DOCK1: variants seen among roughly 807,000 people sequenced by gnomAD.
DOCK1 encodes dedicator of cytokinesis protein 1.
In DOCK1, 138 loss-of-function variants were observed where a neutral mutation model predicts 262.7. That is an observed-to-expected ratio of 0.53 (90% CI 0.46 to 0.61). DOCK1 has a LOEUF of 0.61. Among genes scored for constraint, DOCK1 ranks in the 20% least tolerant of loss-of-function variants. DOCK1 has a pLI of 0.00. For missense variants in DOCK1, 1,908 were observed against 2,370.7 expected, an observed-to-expected ratio of 0.80 and a Z score of 4.05; for synonymous variants, 866 against 867.4, an observed-to-expected ratio of 1.00 and a Z score of 0.03.
chr10:127,148,260 G>A (rs2052114508), intron 27 of DOCK1, among the ~76,000 whole-genome samples: 1 of 152,162 alleles, frequency 6.6e-6, no homozygotes, highest in African/African-American at 2.4e-5. Context: ...TTTGTGTGGT[G>A]GCTGTGATGA....
intron 23 of DOCK1, among the ~76,000 whole-genome samples, chr10:127,072,804 G>C (rs2046307997): frequency 6.6e-6 from 1 of 152,168 alleles, no homozygotes; most frequent in Non-Finnish European, 1.5e-5. Context: ...TAATGAGAAA[G>C]CTTTCTAAAG....
At chr10:127,112,045 G>A (rs565088255) in intron 25 of DOCK1, among the ~76,000 whole-genome samples, 98 of 147,852 alleles carry the variant, frequency 6.6e-4, no homozygotes, top group African/African-American at 2.3e-3. Flanking sequence ...ATAGTCCTGC[G>A]CTGTTGCCGA....
At chr10:127,316,877 C>G (rs2062305878) in intron 29 of DOCK1, among the ~76,000 whole-genome samples, 1 of 151,990 alleles carries the variant, frequency 6.6e-6, no homozygotes, top group South Asian at 2.1e-4. Flanking sequence ...ATTGCCACTC[C>G]CCCTCCAAGA....
Position 127,052,715 on chromosome 10 carries a change from G to A in DOCK1, c.2236G>A (p.Gly746Ser), listed in dbSNP as rs752245963. Residue 746 changes from glycine to serine, a missense_variant, in exon 22 of 52, where the codon GGT becomes AGT. Transcript: ENST00000623213. ...AAAAGTGTTGAAGAACTACGTGGAC[G>A]GTGCTGAGAAGCCGGGAGTAAATGA... ...LTKVLKNYVD[G>S]AEKPGVNEQL... The A allele has an allele frequency of 6.2e-6, 10 of 1,613,806 alleles. No individual in the cohort carries two copies. In the Admixed American group the frequency reaches 6.7e-5, roughly 11 times the overall value.
chr10:127,302,675 A>G (rs2061722042), intron 29 of DOCK1, among the ~76,000 whole-genome samples: 1 of 151,350 alleles, frequency 6.6e-6, no homozygotes. Flanking sequence ...GTTAATGTTG[A>G]TAGTTTGTAG....
At chr10:127,344,774 T>A (rs1182314134) in intron 31 of DOCK1, among the ~76,000 whole-genome samples, 1 of 152,012 alleles carries the variant, frequency 6.6e-6, no homozygotes, top group African/African-American at 2.4e-5. Context: ...GGCAGGAAGA[T>A]CACTTGAGCC....
intron 40 of DOCK1, among the ~76,000 whole-genome samples, chr10:127,404,880 C>G (rs2067429791): frequency 6.6e-6 from 1 of 152,210 alleles, no homozygotes; most frequent in African/African-American, 2.4e-5. Context: ...CCAGCAGCCA[C>G]CGTTCTACTT....
At chr10:127,103,343 C>G (rs1345001127) in intron 23 of DOCK1, among the ~76,000 whole-genome samples, 1 of 152,136 alleles carries the variant, frequency 6.6e-6, no homozygotes, top group Non-Finnish European at 1.5e-5. Flanking sequence ...AATCGTAGGA[C>G]CGCCAAAACA....
chr10:127,109,865 C>T (rs562287984), intron 24 of DOCK1, among the ~76,000 whole-genome samples: 24 of 151,748 alleles, frequency 1.6e-4, no homozygotes, highest in African/African-American at 5.1e-4. Flanking sequence ...CATTTTTTCT[C>T]GGGGAGGTGG....
chr10:127,244,122 G>A (rs4750756), intron 27 of DOCK1, among the ~76,000 whole-genome samples: 48,201 of 151,768 alleles, frequency 0.32, 7,722 homozygotes, highest in East Asian at 0.42. Flanking sequence ...TAAAAATATA[G>A]GACCCCCAGT....
chr10:127,129,334 A>T (rs1426739501), intron 27 of DOCK1, among the ~76,000 whole-genome samples: 4 of 152,224 alleles, frequency 2.6e-5, no homozygotes, highest in African/African-American at 4.8e-5. Context: ...TAAAGTTTAA[A>T]CTTAAACACT....
chr10:127,168,875 G>C (rs12573412), intron 27 of DOCK1, among the ~76,000 whole-genome samples: 1 of 151,958 alleles, frequency 6.6e-6, no homozygotes, highest in South Asian at 2.1e-4. Flanking sequence ...AACTTAAATA[G>C]TCCCCTTATG....
Position 127,298,995 on chromosome 10 carries a change from G to A in DOCK1, c.3045-40011G>A, listed in dbSNP as rs898955249. 3.3e-5 allele frequency among the ~76,000 whole-genome samples: 5 copies of A among 152,158 alleles called. No individual in the cohort carries two copies. In the South Asian group the frequency reaches 1.0e-3, roughly 32 times the overall value. ...ATAGATTGTGAACCCCTCAAAGATAGGCTGAAGTCCTTATTCCTGTCACCT... is the reference window on the plus strand; with the variant it reads ...ATAGATTGTGAACCCCTCAAAGATAAGCTGAAGTCCTTATTCCTGTCACCT... On this transcript the variant is annotated intron_variant, in intron 29 of 51. Coordinates refer to ENST00000623213, the MANE Select transcript of DOCK1 (RefSeq NM_001290223.2).
chr10:127,341,725 G>T (rs2063435606), intron 30 of DOCK1, among the ~76,000 whole-genome samples: 1 of 152,118 alleles, frequency 6.6e-6, no homozygotes, highest in Admixed American at 6.5e-5. Context: ...TGGCCCCTTG[G>T]ACTCTCACCG....
intron 1 of DOCK1, among the ~76,000 whole-genome samples, chr10:126,913,070 C>T (rs2032047674): frequency 6.6e-6 from 1 of 151,760 alleles, no homozygotes; most frequent in African/African-American, 2.4e-5. Flanking sequence ...AATGGGACTC[C>T]AATTTGTTTC....
intron 27 of DOCK1, among the ~76,000 whole-genome samples, chr10:127,130,600 A>T (rs2050264545): frequency 6.6e-6 from 1 of 152,194 alleles, no homozygotes; most frequent in African/African-American, 2.4e-5. Flanking sequence ...GTGGTCCAGG[A>T]TGTCTTTGAG....
chr10:127,282,332 T>G (rs766451536), intron 29 of DOCK1, among the ~76,000 whole-genome samples: 71 of 152,176 alleles, frequency 4.7e-4, no homozygotes, highest in Non-Finnish European at 8.2e-4. Context: ...ACCATTGGCC[T>G]GGGGGAGAAA....
chr10:127,293,724 G>A (rs1008703212), intron 29 of DOCK1, among the ~76,000 whole-genome samples: 4 of 152,172 alleles, frequency 2.6e-5, no homozygotes, highest in Admixed American at 6.5e-5. Flanking sequence ...CAGATTCTGC[G>A]GCTAGATCAC....
chr10:127,391,717 C>G (rs1354245716), intron 38 of DOCK1, among the ~76,000 whole-genome samples: 2 of 152,090 alleles, frequency 1.3e-5, no homozygotes, highest in Non-Finnish European at 2.9e-5. Flanking sequence ...TGGGCAGAAG[C>G]CCTGCTGCTA....
Sources: gnomAD v4.1 joint callset for allele counts (sites outside exome capture counted in the v4.1 genomes callset) on GRCh38, gnomAD v4.1.1 for gene constraint, MANE v1.5 for transcripts, NCBI Gene and HGNC (gene_info 2026-07-23, HGNC 2026-07-21) for gene names.